ZNF420: variants seen among roughly 807,000 people sequenced by gnomAD.
ZNF420 encodes the protein zinc finger protein 420, also known as ATM and p53-associated KZNF protein.
In ZNF420, 31 loss-of-function variants were observed where a neutral mutation model predicts 44.7. The ratio of observed to expected loss-of-function variants is 0.69; its 90% CI spans 0.52 to 0.94. ZNF420 has a LOEUF of 0.94. Among genes scored for constraint, ZNF420 ranks in the 40% least tolerant of loss-of-function variants. ZNF420 has a pLI of 0.00. For synonymous variants in ZNF420, 245 were observed against 267.4 expected, an observed-to-expected ratio of 0.92 and a Z score of 0.82; for missense variants, 681 against 827.9, an observed-to-expected ratio of 0.82 and a Z score of 2.18.
At chr19:37,118,847 C>A (rs1970849181) in intron 4 of ZNF420, among the ~76,000 whole-genome samples, 1 of 151,796 alleles carries the variant, frequency 6.6e-6, no homozygotes, top group South Asian at 2.1e-4. Context: ...AGACTTTAAA[C>A]CAACAAAGAT....
At chr19:37,056,515 G>C (rs1008965997) in intron 1 of ZNF420, among the ~76,000 whole-genome samples, 1 of 152,162 alleles carries the variant, frequency 6.6e-6, no homozygotes, top group Non-Finnish European at 1.5e-5. Flanking sequence ...CCTGGAAAGC[G>C]GTGTCTTCTC....
At chr19:37,045,422 G>T (rs1967526339) in intron 1 of ZNF420, among the ~76,000 whole-genome samples, 1 of 152,196 alleles carries the variant, frequency 6.6e-6, no homozygotes, top group Admixed American at 6.5e-5. Context: ...GACTAGATTT[G>T]AAGGTTTATG....
At chr19:37,015,064 C>T (rs1189596716) in intron 1 of ZNF420, among the ~76,000 whole-genome samples, 1 of 152,236 alleles carries the variant, frequency 6.6e-6, no homozygotes, top group Non-Finnish European at 1.5e-5. Context: ...GGCTTCCTGG[C>T]AGAGAGCAGA....
At chr19:37,121,352 C>G (rs1366623973) in intron 4 of ZNF420, among the ~76,000 whole-genome samples, 2 of 147,450 alleles carry the variant, frequency 1.4e-5, no homozygotes, top group African/African-American at 2.5e-5. Flanking sequence ...TTTGACAAAC[C>G]TGACAAAAAC....
chr19:37,008,706 C>G (rs2074546871), intron 1 of ZNF420, among the ~76,000 whole-genome samples: 1 of 152,202 alleles, frequency 6.6e-6, no homozygotes, highest in African/African-American at 2.4e-5. Flanking sequence ...GACAAGTCAC[C>G]CGTTTGGCAC....
chr19:37,064,755 G>A (rs1379517101), intron 1 of ZNF420, among the ~76,000 whole-genome samples: 1 of 152,176 alleles, frequency 6.6e-6, no homozygotes, highest in East Asian at 1.9e-4. Flanking sequence ...TGTATGCCTA[G>A]CTTGCTCAGC....
Position 37,129,328 on chromosome 19 carries a change from T to G in ZNF420, c.*270T>G. On this transcript the variant is annotated 3_prime_UTR_variant, in exon 5 of 5. Coordinates refer to ENST00000337995, the MANE Select transcript of ZNF420 (RefSeq NM_144689.5). ...ACAAATATCTTTTTCAACGTTATCT[T>G]AGCTCTACTAGTTGATCTTTTTGTT... 2.5e-6 allele frequency: 1 copy of G among 406,496 alleles called. No individual in the cohort carries two copies. Among genetic ancestry groups the G allele is most frequent in the South Asian group, 4.0e-5 (1 of 25,218 alleles). The allele number at this position is 406,496 out of a possible 1,614,324, so 25.2% of individuals were successfully genotyped here. A position where few individuals can be genotyped will look rare whatever the true frequency, so the allele number is the denominator to read the frequency against.
chr19:37,122,806 G>T lies in ZNF420; in HGVS notation c.137-4322G>T, dbSNP rs112341536. Among the ~76,000 whole-genome samples the T allele has an allele frequency of 3.5e-3, 535 of 152,060 alleles. 3 individuals carry two copies. Among genetic ancestry groups the T allele is most frequent in the African/African-American group, 0.012 (513 of 41,474 alleles). ...CCTTCTGTTTTGTATATAAAGGTACGCCCTGGGTGACCTCATCAAATCTTG... is the reference window on the plus strand; with the variant it reads ...CCTTCTGTTTTGTATATAAAGGTACTCCCTGGGTGACCTCATCAAATCTTG... On this transcript the variant is annotated intron_variant, in intron 4 of 4. Coordinates refer to ENST00000337995, the MANE Select transcript of ZNF420 (RefSeq NM_144689.5).
chr19:37,089,007 C>T, intron 2 of ZNF420, 32 bp from the exon 3 acceptor site: 1 of 920,178 alleles, frequency 1.1e-6, no homozygotes, highest in Non-Finnish European at 1.8e-6. Context: ...TGCAAAACAC[C>T]TGGTCTCATG....
intron 2 of ZNF420, among the ~76,000 whole-genome samples, chr19:37,087,010 T>C (rs59892552): frequency 0.045 from 6,826 of 152,134 alleles, 212 homozygotes; most frequent in East Asian, 0.079. Flanking sequence ...TAGGGCCACA[T>C]GTGGTGGCTT....
At chr19:37,118,025 T>G (rs60096362) in intron 4 of ZNF420, among the ~76,000 whole-genome samples, 1,996 of 152,240 alleles carry the variant, frequency 0.013, 47 homozygotes, top group African/African-American at 0.045. Flanking sequence ...ACAGGGAGAA[T>G]GGAACCAAGT....
chr19:37,016,529 G>A (rs2074610035), intron 1 of ZNF420, among the ~76,000 whole-genome samples: 1 of 152,152 alleles, frequency 6.6e-6, no homozygotes, highest in African/African-American at 2.4e-5. Context: ...ATTGCCCATT[G>A]GGAGCATGCC....
rs1187232776 is a variant in ZNF420, at chr19:37,128,044, G to A, written c.1053G>A (p.Met351Ile). The A allele has an allele frequency of 6.2e-7, 1 of 1,611,458 alleles. No homozygotes were observed. The highest frequency in any genetic ancestry group is 1.7e-5 in the Admixed American group (1 of 59,776). Reference sequence around the variant, plus strand: ...CCTTTATTCGGGGCTCACTACTGATGCAACATCAGAGGATTCATACTGGTG... The same window carrying A: ...CCTTTATTCGGGGCTCACTACTGATACAACATCAGAGGATTCATACTGGTG... The part of the protein sequence containing the change: ...GRAFIRGSLL[M>I]QHQRIHTGEK... Residue 351 changes from methionine (M) to isoleucine (I), a missense_variant, in exon 5 of 5, where the codon ATG becomes ATA. By Grantham distance (10) the Met-to-Ile change is conservative. Coordinates refer to ENST00000337995, the MANE Select transcript of ZNF420 (RefSeq NM_144689.5).
At chr19:37,013,013 G>A (rs981105830) in intron 1 of ZNF420, among the ~76,000 whole-genome samples, 5 of 151,966 alleles carry the variant, frequency 3.3e-5, no homozygotes, top group Admixed American at 6.6e-5. Context: ...AGTTTTCCCT[G>A]CCGTTCCACT....
intron 2 of ZNF420, among the ~76,000 whole-genome samples, chr19:37,081,559 TG>T (rs1438132252): frequency 3.3e-5 from 5 of 151,146 alleles, no homozygotes; most frequent in Non-Finnish European, 7.4e-5. Context: ...TGGAGTGCAG[TG>T]GCCCAATCTT....
intron 1 of ZNF420, among the ~76,000 whole-genome samples, chr19:37,031,118 G>A (rs1475061189): frequency 6.6e-6 from 1 of 152,146 alleles, no homozygotes; most frequent in Non-Finnish European, 1.5e-5. Flanking sequence ...GCCTCCCAAA[G>A]TGCTGAGATT....
intron 4 of ZNF420, among the ~76,000 whole-genome samples, chr19:37,125,694 A>G (rs866538055): frequency 7.9e-5 from 12 of 152,344 alleles, no homozygotes; most frequent in African/African-American, 2.6e-4. Context: ...AGACATCACA[A>G]AGAAAAGTTA....
chr19:37,123,255 T>G (rs955322337), intron 4 of ZNF420, among the ~76,000 whole-genome samples: 1 of 152,226 alleles, frequency 6.6e-6, no homozygotes, highest in Non-Finnish European at 1.5e-5. Flanking sequence ...TACTTTCCCA[T>G]TAACTATCTT....
rs144122104 is a variant in ZNF420 at position 37,011,210 on chromosome 19, G to A, written c.-125+3128G>A. On this transcript the variant is annotated intron_variant, in intron 1 of 4. Transcript: ENST00000587029. ...TCCAACAGGGAGAAAGTGGTGATCC[G>A]TGTCATGATTGTTTCTCTCTCCAAA... Among the ~76,000 whole-genome samples, 9 of 152,284 alleles carry A rather than the reference G, an allele frequency of 5.9e-5. No homozygotes were observed. In the East Asian group the frequency reaches 1.5e-3, roughly 26 times the overall value.
Sources: gnomAD v4.1 joint callset for allele counts (sites outside exome capture counted in the v4.1 genomes callset) on GRCh38, gnomAD v4.1.1 for gene constraint, MANE v1.5 for transcripts, NCBI Gene and HGNC (gene_info 2026-07-23, HGNC 2026-07-21) for gene names.